Variants in TUSC3 observed in about 807,000 individuals in gnomAD.
TUSC3 encodes the protein tumor suppressor candidate 3, also known as dolichyl-diphosphooligosaccharide--protein glycosyltransferase subunit TUSC3.
A neutral mutation model predicts 44.8 loss-of-function variants in TUSC3; 45 were observed. The ratio of observed to expected loss-of-function variants is 1.00; its 90% CI spans 0.79 to 1.29. The LOEUF (loss-of-function observed/expected upper bound fraction) is 1.29, where lower values mean the gene tolerates loss of function less well. TUSC3 is among the 50% of genes most tolerant of loss of function. The probability of loss-of-function intolerance (pLI) is 0.00; values close to 1 mark genes in which losing one functional copy is unlikely to be tolerated. For synonymous variants in TUSC3, 212 were observed against 152.9 expected (o/e 1.39, Z -2.85); for missense variants, 519 against 437.9 (o/e 1.19, Z -1.65).
chr8:15,454,596 G>C (rs1230417247), intron 1 of TUSC3, among the ~76,000 whole-genome samples: 2 of 152,106 alleles, frequency 1.3e-5, no homozygotes, highest in African/African-American at 4.8e-5. Flanking sequence ...AGTTTCTCTG[G>C]CTAGCTGCTG....
At chr8:15,484,272 C>G (rs981790597) in intron 2 of TUSC3, among the ~76,000 whole-genome samples, 4 of 152,162 alleles carry the variant, frequency 2.6e-5, no homozygotes, top group African/African-American at 9.7e-5. Context: ...ACTCAAATGT[C>G]CACTCTGCTC....
intron 2 of TUSC3, among the ~76,000 whole-genome samples, chr8:15,645,750 A>G (rs1806597141): frequency 6.6e-6 from 1 of 152,122 alleles, no homozygotes; most frequent in Admixed American, 6.5e-5. Flanking sequence ...CATGAACACT[A>G]TTCCTTTGAC....
rs200905887 is a variant in TUSC3, at chr8:15,459,837, TG to T, written n.92-23548del. ...ATGGCTAAGTAGTATTCCATTTGTG[TG>T]TGTGTGTGTGTGTGTGTATGTGTGT... On this transcript the variant is annotated intron_variant and non_coding_transcript_variant, in intron 1 of 5. Transcript: ENST00000503191. 1.3e-3 allele frequency among the ~76,000 whole-genome samples: 199 copies of T among 147,650 alleles called. 1 individual carries two copies. In the East Asian group the frequency reaches 0.036, roughly 27 times the overall value.
At chr8:15,473,013 A>T (rs1205407743) in intron 1 of TUSC3, among the ~76,000 whole-genome samples, 1 of 152,192 alleles carries the variant, frequency 6.6e-6, no homozygotes, top group African/African-American at 2.4e-5. Flanking sequence ...TAGGATTCAA[A>T]GCCTAACCCA....
At chr8:15,741,574 CCACTCGAGA>C (rs1811199530) in intron 7 of TUSC3, among the ~76,000 whole-genome samples, 1 of 151,984 alleles carries the variant, frequency 6.6e-6, no homozygotes, top group Admixed American at 6.6e-5. Flanking sequence ...GATCTTCCAG[CCACTCGAGA>C]CACTGAGGCA....
chr8:15,821,597 G>C, the TUSC3 span, among the ~76,000 whole-genome samples: 890 of 148,322 alleles, frequency 6.0e-3, 7 homozygotes, highest in African/African-American at 0.021. Flanking sequence ...TTTTTTTTTA[G>C]GAGTTTTATC....
At chr8:15,621,556 TATATATATATTTA>T (rs1223659401) in intron 1 of TUSC3, among the ~76,000 whole-genome samples, 33 of 147,816 alleles carry the variant, frequency 2.2e-4, no homozygotes, top group African/African-American at 8.1e-4. Flanking sequence ...TCCAAAGTTA[TATATATATATTTA>T]ACTCAGACTG....
At chr8:15,465,833 C>G (rs549815774) in intron 1 of TUSC3, among the ~76,000 whole-genome samples, 1 of 152,240 alleles carries the variant, frequency 6.6e-6, no homozygotes, top group Middle Eastern at 3.4e-3. Flanking sequence ...TGATTTTTCT[C>G]TCGAGTCTAC....
chr8:15,544,320 T>A lies in TUSC3; in HGVS notation c.138+3752T>A, dbSNP rs183541146. Reference sequence around the variant, plus strand: ...TGTTTTAATTTATAATGACCTCTTCTGATAATGTGAAAAGAGCTCCAATTC... The same window carrying A: ...TGTTTTAATTTATAATGACCTCTTCAGATAATGTGAAAAGAGCTCCAATTC... On this transcript the variant is annotated intron_variant, in intron 1 of 10. Coordinates refer to ENST00000503731, the MANE Select transcript of TUSC3 (RefSeq NM_006765.4). 4.2e-4 allele frequency among the ~76,000 whole-genome samples: 62 copies of A among 147,320 alleles called. 3 individuals carry two copies. Among genetic ancestry groups the A allele is most frequent in the Admixed American group, 3.8e-3 (56 of 14,754 alleles).
At chr8:15,604,704 G>A (rs2129156099) in intron 1 of TUSC3, among the ~76,000 whole-genome samples, 1 of 151,846 alleles carries the variant, frequency 6.6e-6, no homozygotes, top group Non-Finnish European at 1.5e-5. Context: ...GTCAAAGTAA[G>A]CCTTTGAACA....
intron 1 of TUSC3, among the ~76,000 whole-genome samples, chr8:15,603,091 C>G (rs1301150792): frequency 6.6e-6 from 1 of 151,398 alleles, no homozygotes; most frequent in African/African-American, 2.4e-5. Context: ...ATGTCAAGTC[C>G]TAGACAGAAG....
intron 9 of TUSC3, 95 bp downstream of exon 9, chr8:15,748,560 C>T (rs774858312): frequency 1.7e-5 from 21 of 1,206,834 alleles, no homozygotes; most frequent in Middle Eastern, 1.9e-4. Flanking sequence ...TGTAAAGTTG[C>T]TGTGTGGTTT....
chr8:15,522,407 A>AT (rs1248479527), intron 2 of TUSC3, among the ~76,000 whole-genome samples: 2 of 151,786 alleles, frequency 1.3e-5, no homozygotes, highest in African/African-American at 4.8e-5. Context: ...TAAATTTTAT[A>AT]TTTTTTGTAG....
the TUSC3 span, among the ~76,000 whole-genome samples, chr8:15,781,277 G>T: frequency 6.6e-6 from 1 of 152,140 alleles, no homozygotes; most frequent in Non-Finnish European, 1.5e-5. Flanking sequence ...CAAGGAAGTG[G>T]AACCCCAACC....
intron 6 of TUSC3, among the ~76,000 whole-genome samples, chr8:15,684,110 A>G (rs7840117): frequency 0.52 from 77,717 of 149,752 alleles, 20,328 homozygotes; most frequent in African/African-American, 0.55. Flanking sequence ...TGGGGAGGGA[A>G]GGCGGGGGCC....
chr8:15,678,828 G>A (rs763826881), intron 6 of TUSC3, among the ~76,000 whole-genome samples: 29 of 152,076 alleles, frequency 1.9e-4, no homozygotes, highest in Admixed American at 8.5e-4. Context: ...TAATGTATAT[G>A]TTCGTATGCA....
chr8:15,587,473 C>T (rs147550372), intron 1 of TUSC3, among the ~76,000 whole-genome samples: 38 of 152,126 alleles, frequency 2.5e-4, no homozygotes, highest in African/African-American at 7.7e-4. Context: ...TTATGGAGTA[C>T]GGAGTGATAT....
At chr8:15,482,635 C>T (rs1040205982) in intron 1 of TUSC3, among the ~76,000 whole-genome samples, 3 of 152,052 alleles carry the variant, frequency 2.0e-5, no homozygotes, top group African/African-American at 4.8e-5. Context: ...ATCCATTCTG[C>T]AGGCCATAGA....
At chr8:15,547,102 C>T (rs1214924895) in intron 1 of TUSC3, among the ~76,000 whole-genome samples, 1 of 151,298 alleles carries the variant, frequency 6.6e-6, no homozygotes, top group Non-Finnish European at 1.5e-5. Context: ...GTAAAGATAC[C>T]TACCAAGTTT....
Sources: allele counts gnomAD v4.1 joint callset (sites outside exome capture counted in the v4.1 genomes callset), GRCh38; gene constraint gnomAD v4.1.1; transcripts MANE v1.5; gene names NCBI Gene and HGNC (gene_info 2026-07-23, HGNC 2026-07-21).